The following SNX29 variants were observed in gnomAD, a reference collection of about 807,000 sequenced individuals.
SNX29 encodes the protein sorting nexin-29.
A neutral mutation model predicts 102.1 loss-of-function variants in SNX29; 78 were observed. That is an observed-to-expected ratio of 0.76 (90% CI 0.64 to 0.92). SNX29 has a LOEUF of 0.92. SNX29 is among the 40% of genes least tolerant of loss of function. The probability of loss-of-function intolerance (pLI) is 0.00; values close to 1 mark genes in which losing one functional copy is unlikely to be tolerated. For synonymous variants in SNX29, 580 were observed against 414.5 expected, an observed-to-expected ratio of 1.40 and a Z score of -4.85; for missense variants, 1,280 against 1,061.7, an observed-to-expected ratio of 1.21 and a Z score of -2.86.
intron 13 of SNX29, among the ~76,000 whole-genome samples, chr16:12,179,806 G>A (rs980200237): frequency 6.6e-6 from 1 of 152,148 alleles, no homozygotes; most frequent in Non-Finnish European, 1.5e-5. Context: ...CCAAAAATTT[G>A]TAGGTCACAT....
At chr16:12,435,151 C>T (rs930625275) in intron 18 of SNX29, among the ~76,000 whole-genome samples, 1 of 152,084 alleles carries the variant, frequency 6.6e-6, no homozygotes, top group Non-Finnish European at 1.5e-5. Context: ...ATGTGTGCAC[C>T]CTGCTGCCCT....
intron 18 of SNX29, among the ~76,000 whole-genome samples, chr16:12,446,379 A>T (rs1412556895): frequency 1.3e-5 from 2 of 151,950 alleles, no homozygotes; most frequent in East Asian, 3.9e-4. Flanking sequence ...AGACAAGGAA[A>T]CTCCTTTCAG....
chr16:12,572,133 T>C lies in SNX29; in HGVS notation c.*3504T>C. On this transcript the variant is annotated 3_prime_UTR_variant, in exon 21 of 21. Transcript: ENST00000566228. ...GATCACAGCCCTTGGCCCTGCTTCA[T>C]ACTTTGGAGCTTATTAAGATCAATT... The C allele has an allele frequency of 1.0e-6, 1 of 1,003,682 alleles. No individual in the cohort carries two copies. The highest frequency in any genetic ancestry group is 1.2e-6 in the Non-Finnish European group (1 of 823,572). 62.2% of individuals were successfully genotyped at this position (1,003,682 alleles called of 1,614,324 possible).
At chr16:12,034,610 A>G (rs895775970) in intron 4 of SNX29, among the ~76,000 whole-genome samples, 78 of 152,286 alleles carry the variant, frequency 5.1e-4, no homozygotes, top group African/African-American at 1.7e-3. Context: ...GACTTGGGCC[A>G]GTGGCTATTT....
At chr16:12,552,628 C>T (rs1433547147) in intron 20 of SNX29, among the ~76,000 whole-genome samples, 2 of 151,648 alleles carry the variant, frequency 1.3e-5, no homozygotes, top group African/African-American at 4.9e-5. Context: ...AAAAACCAAA[C>T]ACCAAACAAA....
chr16:12,419,693 AG>A (rs1334336277), intron 18 of SNX29, among the ~76,000 whole-genome samples: 1 of 151,898 alleles, frequency 6.6e-6, no homozygotes, highest in East Asian at 1.9e-4. Context: ...TGCTGCCCCC[AG>A]GGGAAAGGCC....
rs184261424 is a variant in SNX29 at position 12,293,305 on chromosome 16, C to T, written c.1782+15269C>T. ...CTTGCAAGGTAGGCGGTGGTGGATG[C>T]TGAGGCTCAGAAAGGTTGAGTAGAA... On this transcript the variant is annotated intron_variant, in intron 15 of 20. Transcript: ENST00000566228. Among the ~76,000 whole-genome samples the T allele has an allele frequency of 4.2e-3, 637 of 152,288 alleles. 2 individuals are homozygous for T. Among genetic ancestry groups the T allele is most frequent in the Middle Eastern group, 0.01 (3 of 294 alleles).
chr16:12,542,946 T>C (rs2077409515), intron 20 of SNX29, among the ~76,000 whole-genome samples: 1 of 152,120 alleles, frequency 6.6e-6, no homozygotes, highest in Non-Finnish European at 1.5e-5. Flanking sequence ...TACTTCAAAT[T>C]AGCTTGAAGC....
chr16:12,313,709 C>A (rs990327883), intron 15 of SNX29, among the ~76,000 whole-genome samples: 7 of 152,232 alleles, frequency 4.6e-5, no homozygotes, highest in African/African-American at 1.7e-4. Context: ...ATTGTTGCAT[C>A]CCCCACACCT....
At chr16:12,435,694 T>G (rs2085502786) in intron 18 of SNX29, among the ~76,000 whole-genome samples, 1 of 152,162 alleles carries the variant, frequency 6.6e-6, no homozygotes, top group African/African-American at 2.4e-5. Flanking sequence ...TCCTCAGCCT[T>G]GTGGGGTTCT....
At chr16:12,187,763 C>T (rs1219573250) in intron 13 of SNX29, among the ~76,000 whole-genome samples, 1 of 152,072 alleles carries the variant, frequency 6.6e-6, no homozygotes, top group East Asian at 1.9e-4. Context: ...GGCATTCACT[C>T]CTCCAAAAGG....
chr16:12,256,943 G>A (rs1269466907), intron 14 of SNX29, among the ~76,000 whole-genome samples: 1 of 152,170 alleles, frequency 6.6e-6, no homozygotes, highest in Non-Finnish European at 1.5e-5. Flanking sequence ...CACTGTATTA[G>A]TTTTCTTTTG....
At chr16:12,463,179 G>T (rs74776832) in intron 18 of SNX29, among the ~76,000 whole-genome samples, 1 of 152,156 alleles carries the variant, frequency 6.6e-6, no homozygotes, top group Admixed American at 6.5e-5. Flanking sequence ...GGGTGGAGGC[G>T]GAGGCACTTT....
chr16:12,339,408 G>T (rs946911805), intron 15 of SNX29, among the ~76,000 whole-genome samples: 3 of 141,422 alleles, frequency 2.1e-5, no homozygotes, highest in African/African-American at 8.4e-5. Flanking sequence ...TATGGGTAGT[G>T]AGTTTCTTGT....
rs1180050917 is a variant in SNX29 at position 12,033,825 on chromosome 16, T to C, written c.247+6381T>C. On this transcript the variant is annotated intron_variant, in intron 4 of 20. Transcript: ENST00000566228. ...TTTCATCATATTGGGCAGGCTGGTC[T>C]CGAACTACTGACTTCAGGTGATCCG... Among the ~76,000 whole-genome samples the C allele has an allele frequency of 2.0e-5, 3 of 152,278 alleles. No homozygotes were observed. The East Asian group carries it at 5.8e-4, about 29-fold the overall frequency.
intron 14 of SNX29, among the ~76,000 whole-genome samples, chr16:12,274,654 A>G (rs1038603488): frequency 6.6e-6 from 1 of 151,564 alleles, no homozygotes; most frequent in Non-Finnish European, 1.5e-5. Context: ...CTTCCACCTC[A>G]GCCTCCCGAG....
rs549897047 is a variant in SNX29, at chr16:12,445,911, C to T, written c.2038-31808C>T. ...AGAGGCTAAGCCACTTCCCCAAGGA[C>T]ACTAAGCTAGTAAATGTGTGTGAAA... On this transcript the variant is annotated intron_variant, in intron 18 of 20. Coordinates refer to ENST00000566228, the MANE Select transcript of SNX29 (RefSeq NM_032167.5). Among the ~76,000 whole-genome samples the T allele has an allele frequency of 4.6e-5, 7 of 152,318 alleles. No individual in the cohort carries two copies. In the South Asian group the frequency reaches 1.2e-3, roughly 27 times the overall value.
chr16:12,479,739 G>T (rs896052276), intron 19 of SNX29, among the ~76,000 whole-genome samples: 2 of 152,198 alleles, frequency 1.3e-5, no homozygotes, highest in East Asian at 3.8e-4. Flanking sequence ...GCTAACCAGC[G>T]TATTATCAAA....
intron 3 of SNX29, among the ~76,000 whole-genome samples, chr16:12,010,354 C>T (rs1323491004): frequency 2.0e-5 from 3 of 152,192 alleles, no homozygotes; most frequent in Admixed American, 1.3e-4. Context: ...GGTGCAGTGG[C>T]CCGCACTTGT....
Sources: gnomAD v4.1 joint callset for allele counts (sites outside exome capture counted in the v4.1 genomes callset) on GRCh38, gnomAD v4.1.1 for gene constraint, MANE v1.5 for transcripts, NCBI Gene and HGNC (gene_info 2026-07-23, HGNC 2026-07-21) for gene names.